The following PTPRN2 variants were observed in gnomAD, a reference collection of about 807,000 sequenced individuals.
The protein encoded by PTPRN2 is receptor-type tyrosine-protein phosphatase N2.
PTPRN2 carries 74 observed loss-of-function variants against 118.8 expected under a neutral mutation model. The ratio of observed to expected loss-of-function variants is 0.62; its 90% CI spans 0.52 to 0.76. PTPRN2 has a LOEUF of 0.76. Ranked by LOEUF, PTPRN2 falls within the 30% of genes least tolerant of loss-of-function variation. PTPRN2 has a pLI of 0.00. For synonymous variants in PTPRN2, 641 were observed against 608.0 expected (o/e 1.05, Z -0.80); for missense variants, 1,481 against 1,394.4 (o/e 1.06, Z -0.99).
intron 1 of PTPRN2, among the ~76,000 whole-genome samples, chr7:158,495,142 G>A (rs1394533623): frequency 1.3e-5 from 2 of 152,096 alleles, no homozygotes; most frequent in African/African-American, 4.8e-5. Flanking sequence ...CACCACCGTG[G>A]GTTTCAATGC....
chr7:157,578,415 CTTCTGATCTGTAAAGGAAACT>C (rs1800171108), intron 17 of PTPRN2, among the ~76,000 whole-genome samples: 1 of 152,160 alleles, frequency 6.6e-6, no homozygotes, highest in Non-Finnish European at 1.5e-5. Context: ...GGTTTTCCAA[CTTCTGATCTGTAAAGGAAACT>C]TTCTACAACG....
intron 9 of PTPRN2, among the ~76,000 whole-genome samples, chr7:158,129,599 AC>A (rs1818008060): frequency 6.6e-6 from 1 of 151,680 alleles, no homozygotes; most frequent in African/African-American, 2.4e-5. Flanking sequence ...CTACATTACC[AC>A]ACACACATCA....
At chr7:158,366,329 A>C (rs1448220137) in intron 2 of PTPRN2, among the ~76,000 whole-genome samples, 2 of 134,190 alleles carry the variant, frequency 1.5e-5, no homozygotes, top group Non-Finnish European at 3.1e-5. Flanking sequence ...GCACACACAC[A>C]CCCACAGCAT....
chr7:157,987,882 C>G lies in PTPRN2; in HGVS notation c.1724-89145G>C, dbSNP rs1275327379. The stretch of plus-strand genomic sequence containing the variant: ...CCATCACTGATGCCCCCAGCTCTCC[C>G]CACACCTGCCATTCCCCACGTTAAT... On this transcript the variant is annotated intron_variant, in intron 11 of 22. Coordinates refer to ENST00000389418, the MANE Select transcript of PTPRN2 (RefSeq NM_002847.5). The surrounding 1 kb of genome is among the most constrained non-coding windows in gnomAD (Gnocchi z 4.3). Among the ~76,000 whole-genome samples the G allele has an allele frequency of 1.3e-5, 2 of 150,896 alleles. No individual in the cohort carries two copies. Among genetic ancestry groups the G allele is most frequent in the East Asian group, 4.0e-4 (2 of 5,018 alleles).
intron 12 of PTPRN2, among the ~76,000 whole-genome samples, chr7:157,692,926 G>C (rs1797584999): frequency 6.6e-6 from 1 of 152,104 alleles, no homozygotes; most frequent in African/African-American, 2.4e-5. Context: ...TGCCCTCCCA[G>C]GGACCTTCTC....
chr7:158,471,068 CATGTCA>C (rs1471283220), intron 2 of PTPRN2, among the ~76,000 whole-genome samples: 3 of 152,214 alleles, frequency 2.0e-5, no homozygotes, highest in Non-Finnish European at 4.4e-5. Flanking sequence ...GGGGTTTCAC[CATGTCA>C]AAGGTTTTTT....
chr7:157,805,035 C>T (rs928121108), intron 12 of PTPRN2, among the ~76,000 whole-genome samples: 2 of 152,214 alleles, frequency 1.3e-5, no homozygotes, highest in African/African-American at 4.8e-5. Context: ...CCGCTCTGCA[C>T]ACTAGACTCA....
intron 11 of PTPRN2, among the ~76,000 whole-genome samples, chr7:157,983,582 C>T (rs1430218222): frequency 6.6e-6 from 1 of 151,522 alleles, no homozygotes; most frequent in Non-Finnish European, 1.5e-5. Flanking sequence ...CCCCCGCCCC[C>T]GCCCACATGT....
chr7:158,274,036 A>C (rs1798753145), intron 3 of PTPRN2, among the ~76,000 whole-genome samples: 2 of 134,466 alleles, frequency 1.5e-5, no homozygotes, highest in African/African-American at 3.1e-5. Context: ...CCGCAGACAC[A>C]GGAGGAGACA....
chr7:158,171,316 T>TACATAC lies in PTPRN2; in HGVS notation c.550-4026_550-4025insGTATGT, dbSNP rs1464576505. Among the ~76,000 whole-genome samples, 23 of 92,072 alleles carry TACATAC rather than the reference T, an allele frequency of 2.5e-4. 3 individuals are homozygous for TACATAC. The highest frequency in any genetic ancestry group is 1.1e-3 in the African/African-American group (23 of 21,222). 60.4% of individuals were successfully genotyped at this position (92,072 alleles called of 152,430 possible). ...ACACATATATATACACACATATATA[T>TACATAC]ATATATATATATATATATATATATA... On this transcript the variant is annotated intron_variant, in intron 5 of 22. Transcript: ENST00000389418.
At chr7:158,273,508 G>A (rs567191747) in intron 3 of PTPRN2, among the ~76,000 whole-genome samples, 9 of 120,612 alleles carry the variant, frequency 7.5e-5, no homozygotes, top group Middle Eastern at 5.7e-3. Context: ...AGGGGGAGCC[G>A]CAGACAGACA....
At chr7:157,644,385 A>G (rs1177511191) in intron 14 of PTPRN2, among the ~76,000 whole-genome samples, 1 of 152,212 alleles carries the variant, frequency 6.6e-6, no homozygotes, top group Non-Finnish European at 1.5e-5. Context: ...TCAGCTGCCC[A>G]GCCTGAGGGA....
chr7:158,218,508 T>G (rs1009059632), intron 3 of PTPRN2, among the ~76,000 whole-genome samples: 13 of 152,168 alleles, frequency 8.5e-5, no homozygotes, highest in Non-Finnish European at 1.5e-5. Flanking sequence ...TCACTTGCAC[T>G]ATAAAGCAAC....
At chr7:158,178,126 T>C (rs202161382) in intron 5 of PTPRN2, among the ~76,000 whole-genome samples, 1 of 152,246 alleles carries the variant, frequency 6.6e-6, no homozygotes, top group East Asian at 1.9e-4. Flanking sequence ...TAATGAGGAA[T>C]GATACTGAAT....
intron 2 of PTPRN2, among the ~76,000 whole-genome samples, chr7:158,341,289 G>A (rs1321405118): frequency 1.0e-4 from 15 of 150,462 alleles, no homozygotes; most frequent in African/African-American, 3.4e-4. Context: ...CACCATAAGA[G>A]CCGACGCCCA....
chr7:157,728,336 A>G (rs960233277), intron 12 of PTPRN2, among the ~76,000 whole-genome samples: 3 of 152,238 alleles, frequency 2.0e-5, no homozygotes, highest in Admixed American at 1.3e-4. Context: ...CTAGGGGAAG[A>G]AGGCGCGTGA....
At chr7:158,446,747 T>A (rs1333116368) in intron 2 of PTPRN2, among the ~76,000 whole-genome samples, 2 of 152,228 alleles carry the variant, frequency 1.3e-5, no homozygotes, top group Non-Finnish European at 2.9e-5. Context: ...CTGCTCCCTG[T>A]CTGGGGAGAA....
intron 12 of PTPRN2, among the ~76,000 whole-genome samples, chr7:157,852,134 G>C (rs1254494371): frequency 1.3e-5 from 2 of 152,162 alleles, no homozygotes; most frequent in Non-Finnish European, 2.9e-5. Flanking sequence ...AATGACTTAG[G>C]GTCTCAGCCA....
chr7:158,177,200 T>C (rs1005433978), intron 5 of PTPRN2, among the ~76,000 whole-genome samples: 1 of 152,220 alleles, frequency 6.6e-6, no homozygotes, highest in Non-Finnish European at 1.5e-5. Flanking sequence ...CAGCTTGCAT[T>C]GCATTCCCCC....
Sources: gnomAD v4.1 joint callset for allele counts (sites outside exome capture counted in the v4.1 genomes callset) on GRCh38, gnomAD v4.1.1 for gene constraint, Gnocchi (gnomAD v3.1) non-coding constraint, MANE v1.5 for transcripts, NCBI Gene and HGNC (gene_info 2026-07-23, HGNC 2026-07-21) for gene names.